The following GRM6 variants were observed in gnomAD, a reference collection of about 807,000 sequenced individuals.
GRM6 encodes the protein metabotropic glutamate receptor 6.
Under a neutral mutation model 78.4 loss-of-function variants are expected in GRM6, and 73 were observed. The observed-to-expected ratio is 0.93, with a 90% CI of 0.77 to 1.13. The LOEUF (loss-of-function observed/expected upper bound fraction) is 1.13, where lower values mean the gene tolerates loss of function less well. Among genes scored for constraint, GRM6 ranks in the 50% most tolerant of loss-of-function variants. The pLI is 0.00. For missense variants in GRM6, 1,251 were observed against 1,256.4 expected (o/e 1.00, Z 0.07); for synonymous variants, 580 against 555.0 (o/e 1.05, Z -0.63).
In GRM6 at chr5:178,981,689, G is replaced by A. The variant is rs937277106; in HGVS notation, c.2602C>T (p.Pro868Ser). The change falls in exon 11 of 11, where the codon CCC becomes TCC. Residue 868 changes from proline to serine, a missense_variant. Physicochemically the swap from Pro to Ser is moderately conservative, Grantham distance 74. Coordinates refer to ENST00000517717, the MANE Select transcript of GRM6 (RefSeq NM_000843.4). The surrounding 1 kb of genome is among the most constrained non-coding windows in gnomAD (Gnocchi z 5.1). ...TGGGCCTCTGCATCCTCGCCCTTGG[G>A]TGGGGCTGCCACCGTGGAGGTGGCC... The part of the protein sequence containing the change: ...LKATSTVAAP[P>S]KGEDAEAHK 6.2e-7 allele frequency: 1 copy of A among 1,614,006 alleles called. No individual in the cohort carries two copies. The highest frequency in any genetic ancestry group is 8.5e-7 in the Non-Finnish European group (1 of 1,179,968).
rs370821778 is a variant in GRM6, at chr5:178,992,444, G to GTC, written c.505-363_505-362dup. 1.2e-3 allele frequency: 494 copies of GTC among 404,380 alleles called. 4 individuals carry two copies. The highest frequency in any genetic ancestry group is 9.3e-3 in the African/African-American group (456 of 49,058). The allele number at this position is 404,380 out of a possible 1,614,324, so 25.0% of individuals were successfully genotyped here. A position where few individuals can be genotyped will look rare whatever the true frequency, so the allele number is the denominator to read the frequency against. On this transcript the variant is annotated intron_variant, in intron 2 of 10. Transcript: ENST00000517717. The surrounding 1 kb of genome is among the most constrained non-coding windows in gnomAD (Gnocchi z 4.9). ...CATCCAGCTGCATCTGCCTGTCCTA[G>GTC]TCAGGCCCAGGGCAAAGCACGTTTT...
Position 178,991,675 on chromosome 5 carries a change from C to T in GRM6, c.722-116G>A, listed in dbSNP as rs771501534. ...AAGGGTCTGCAGGGGTGAAGTCTGG[C>T]CTGCACCCTCCGCCAAGCCTGAGGC... On this transcript the variant is annotated intron_variant, in intron 3 of 10. Coordinates refer to ENST00000517717, the MANE Select transcript of GRM6 (RefSeq NM_000843.4). This position sits in a 1 kb window ranked among gnomAD's most constrained non-coding sequence, Gnocchi z 5.0. The T allele has an allele frequency of 1.6e-5, 20 of 1,276,802 alleles. No individual in the cohort carries two copies. Among genetic ancestry groups the T allele is most frequent in the Non-Finnish European group, 2.0e-5 (18 of 890,562 alleles). The allele number at this position is 1,276,802 out of a possible 1,614,324, so 79.1% of individuals were successfully genotyped here. A position where few individuals can be genotyped will look rare whatever the true frequency, so the allele number is the denominator to read the frequency against.
In GRM6 at chr5:178,981,416, T is replaced by C; in HGVS notation, c.*241A>G. On this transcript the variant is annotated 3_prime_UTR_variant, in exon 11 of 11. Coordinates refer to ENST00000517717, the MANE Select transcript of GRM6 (RefSeq NM_000843.4). This position sits in a 1 kb window ranked among gnomAD's most constrained non-coding sequence, Gnocchi z 5.1. ...CTAGAGCTAGAACCTTCTCGGTGGC[T>C]GTTTCCCACCATGGGAAGCGAGTCT... The C allele has an allele frequency of 1.3e-5, 7 of 521,496 alleles. No individual in the cohort carries two copies. Among genetic ancestry groups the C allele is most frequent in the Non-Finnish European group, 2.1e-5 (6 of 288,962 alleles). 32.3% of individuals were successfully genotyped at this position (521,496 alleles called of 1,614,324 possible).
Position 178,991,981 on chromosome 5 carries a change from C to T in GRM6, c.607G>A (p.Ala203Thr). ...VVPPDSYQAQAMVDIVRALGW... is the reference protein window; with the variant it reads ...VVPPDSYQAQTMVDIVRALGW... ...AGTGCCCTCACGATGTCCACCATGGCCTGCGCCTGGTAGGAGTCGGGTGGC... is the reference window on the plus strand; with the variant it reads ...AGTGCCCTCACGATGTCCACCATGGTCTGCGCCTGGTAGGAGTCGGGTGGC... Residue 203 changes from alanine to threonine, a missense_variant, in exon 3 of 11, where the codon GCC becomes ACC. Coordinates refer to ENST00000517717, the MANE Select transcript of GRM6 (RefSeq NM_000843.4). This position sits in a 1 kb window ranked among gnomAD's most constrained non-coding sequence, Gnocchi z 5.0. 6.2e-7 allele frequency: 1 copy of T among 1,613,958 alleles called. No homozygotes were observed. Among genetic ancestry groups the T allele is most frequent in the Non-Finnish European group, 8.5e-7 (1 of 1,179,830 alleles).
rs762650590 is a variant in GRM6 at position 178,986,414 on chromosome 5, G to A, written c.1840C>T (p.Pro614Ser). ...VATFVRYNNT[P>S]IVRASGRELS... is the part of the protein sequence containing the mutation. ...TCTCGGCCCGAGGCCCGGACGATGG[G>A]CGTGTTGTTGTACCGCACGAAGGTG... Residue 614 changes from proline (P) to serine (S), a missense_variant, in exon 9 of 11, where the codon CCC becomes TCC. Transcript: ENST00000517717. The A allele has an allele frequency of 1.9e-5, 31 of 1,613,596 alleles. No homozygotes were observed. The highest frequency in any genetic ancestry group is 1.0e-4 in the Admixed American group (6 of 59,998).
Position 178,991,381 on chromosome 5 carries a change from C to G in GRM6, c.857+43G>C, listed in dbSNP as rs1344003175. The G allele has an allele frequency of 6.3e-7, 1 of 1,599,682 alleles. No homozygotes were observed. Among genetic ancestry groups the G allele is most frequent in the Admixed American group, 1.7e-5 (1 of 59,986 alleles). On this transcript the variant is annotated intron_variant, in intron 4 of 10. Coordinates refer to ENST00000517717, the MANE Select transcript of GRM6 (RefSeq NM_000843.4). The surrounding 1 kb of genome is among the most constrained non-coding windows in gnomAD (Gnocchi z 5.0). ...TGTGCAAGAGGAGGGGTGGGACCCT[C>G]AGGGAGAGCCCCAGGGGCCCGGTGA...
chr5:178,988,934 C>A lies in GRM6; in HGVS notation c.1354+1G>T. Reference sequence around the variant, plus strand: ...CTGCAGGGGGGCAGGCACCCACTCACCATTGAAGCGGACAGCTCGAATGTA... The same window carrying A: ...CTGCAGGGGGGCAGGCACCCACTCAACATTGAAGCGGACAGCTCGAATGTA... On this transcript the variant is annotated splice_donor_variant, in intron 7 of 10. Coordinates refer to ENST00000517717, the MANE Select transcript of GRM6 (RefSeq NM_000843.4). LOFTEE classifies it high-confidence loss of function. This position sits in a 1 kb window ranked among gnomAD's most constrained non-coding sequence, Gnocchi z 6.0. 3 of 1,611,256 alleles carry A rather than the reference C, an allele frequency of 1.9e-6. No homozygotes were observed. Among genetic ancestry groups the A allele is most frequent in the Non-Finnish European group, 2.5e-6 (3 of 1,178,660 alleles).
intron 5 of GRM6, chr5:178,990,160 A>G (rs754558875): frequency 7.6e-6 from 2 of 262,670 alleles, no homozygotes; most frequent in Non-Finnish European, 1.5e-5. Context: ...GAGCAATCCT[A>G]TTGTAAAGTG....
chr5:178,981,419 T>C lies in GRM6; in HGVS notation c.*238A>G. On this transcript the variant is annotated 3_prime_UTR_variant, in exon 11 of 11. Transcript: ENST00000517717. This position sits in a 1 kb window ranked among gnomAD's most constrained non-coding sequence, Gnocchi z 5.1. Reference sequence around the variant, plus strand: ...GAGCTAGAACCTTCTCGGTGGCTGTTTCCCACCATGGGAAGCGAGTCTGGT... The same window carrying C: ...GAGCTAGAACCTTCTCGGTGGCTGTCTCCCACCATGGGAAGCGAGTCTGGT... 1.0e-5 allele frequency: 5 copies of C among 498,858 alleles called. No individual in the cohort carries two copies. The highest frequency in any genetic ancestry group is 1.8e-5 in the Non-Finnish European group (5 of 275,490). 30.9% of individuals were successfully genotyped at this position (498,858 alleles called of 1,614,324 possible).
Position 178,991,470 on chromosome 5 carries a change from G to A in GRM6, c.811C>T (p.Pro271Ser), listed in dbSNP as rs202102150. 7 of 1,613,600 alleles carry A rather than the reference G, an allele frequency of 4.3e-6. No homozygotes were observed. The highest frequency in any genetic ancestry group is 5.9e-6 in the Non-Finnish European group (7 of 1,179,750). The stretch of plus-strand genomic sequence containing the variant: ...AAGATGATGATGCCCCGGGCGTTGG[G>A]CGTCTCCATGAGTCTCCTGATCACC... Reference protein sequence around the residue: ...SKVIRRLMETPNARGIIIFAN... With the variant: ...SKVIRRLMETSNARGIIIFAN... The change falls in exon 4 of 11, where the codon CCC becomes TCC. Residue 271 changes from proline to serine, a missense_variant. By Grantham distance (74) the Pro-to-Ser change is moderately conservative (BLOSUM62 -1). Coordinates refer to ENST00000517717, the MANE Select transcript of GRM6 (RefSeq NM_000843.4). This position sits in a 1 kb window ranked among gnomAD's most constrained non-coding sequence, Gnocchi z 5.0.
chr5:178,981,762 G>A lies in GRM6; in HGVS notation c.2529C>T (p.Ile843=), dbSNP rs1561714656. The change falls in exon 11 of 11, where the codon ATC becomes ATT. Residue 843 remains isoleucine, a synonymous_variant. Coordinates refer to ENST00000517717, the MANE Select transcript of GRM6 (RefSeq NM_000843.4). The surrounding 1 kb of genome is among the most constrained non-coding windows in gnomAD (Gnocchi z 5.1). ...GCACATTCTGCTCTGGATGGAAGAGGATGACGTAGGTTTTGGGTACGTAGA... is the reference window on the plus strand; with the variant it reads ...GCACATTCTGCTCTGGATGGAAGAGAATGACGTAGGTTTTGGGTACGTAGA... ...GMLYVPKTYV[I]LFHPEQNVQK... 2 of 1,613,322 alleles carry A rather than the reference G, an allele frequency of 1.2e-6. No individual in the cohort carries two copies. The highest frequency in any genetic ancestry group is 2.2e-5 in the East Asian group (1 of 44,864).
chr5:178,986,286 G>A lies in GRM6; in HGVS notation c.1968C>T (p.Phe656=). ...GAAVCAARRL[F]LGLGTTLSYS... ...AGCTGAGGGTCGTGCCCAGGCCCAG[G>A]AAGAGCCTGCGGGCGGCACAGACCG... is the stretch of plus-strand genomic sequence containing the variant. The change falls in exon 9 of 11, where the codon TTC becomes TTT. Residue 656 remains phenylalanine, a synonymous_variant. Transcript: ENST00000517717. 6.2e-7 allele frequency: 1 copy of A among 1,614,098 alleles called. No homozygotes were observed. Among genetic ancestry groups the A allele is most frequent in the Non-Finnish European group, 8.5e-7 (1 of 1,180,016 alleles).
intron 9 of GRM6, among the ~76,000 whole-genome samples, chr5:178,983,969 C>T (rs1310172635): frequency 2.6e-5 from 4 of 152,206 alleles, no homozygotes; most frequent in South Asian, 4.1e-4. Context: ...AGTGCCATGC[C>T]GAGCACCTGG....
At chr5:178,993,543 G>A (rs1001512493) in intron 2 of GRM6, among the ~76,000 whole-genome samples, 6 of 152,108 alleles carry the variant, frequency 3.9e-5, no homozygotes, top group Non-Finnish European at 7.4e-5. Context: ...CCCGGGAGTC[G>A]GAGAAGCTCT....
In GRM6 at chr5:178,994,391, G is replaced by C. The variant is rs113506152; in HGVS notation, c.504+50C>G. 39 of 1,447,354 alleles carry C rather than the reference G, an allele frequency of 2.7e-5. No individual in the cohort carries two copies. In the African/African-American group the frequency reaches 5.5e-4, roughly 20 times the overall value. 89.7% of individuals were successfully genotyped at this position (1,447,354 alleles called of 1,614,324 possible). ...AAGGAGACTTGGGCCACCCCAGGGC[G>C]AGGACGGGAGAGGGACGCTGGACAC... is the stretch of plus-strand genomic sequence containing the variant. On this transcript the variant is annotated intron_variant, in intron 2 of 10. Transcript: ENST00000517717.
chr5:178,994,304 C>T (rs1039585463), intron 2 of GRM6, 137 bp downstream of exon 2: 20 of 726,582 alleles, frequency 2.8e-5, no homozygotes, highest in Admixed American at 4.1e-5. Flanking sequence ...ACTGACAGGG[C>T]TTCTTTGACG....
intron 5 of GRM6, 65 bp from the exon 6 acceptor site, chr5:178,989,470 C>G: frequency 6.2e-7 from 1 of 1,604,742 alleles, no homozygotes. Flanking sequence ...TCCTGTGTCT[C>G]TCTGCCACTT....
At chr5:178,986,106 GC>G (rs1561717273) in intron 9 of GRM6, 23 bp downstream of exon 9, 1 of 1,607,368 alleles carries the variant, frequency 6.2e-7, no homozygotes, top group South Asian at 1.1e-5. Context: ...CCCTGCCCTG[GC>G]CCTTGGGAGC....
At chr5:178,989,786 C>A (rs115745437) in intron 5 of GRM6, 7,861 of 348,482 alleles carry the variant, frequency 0.023, 139 homozygotes, top group African/African-American at 0.063. Flanking sequence ...GCCTCAGCAG[C>A]CATCTTGTGA....
Sources: gnomAD v4.1 joint callset for allele counts (sites outside exome capture counted in the v4.1 genomes callset) on GRCh38, gnomAD v4.1.1 for gene constraint, Gnocchi (gnomAD v3.1) non-coding constraint, MANE v1.5 for transcripts, NCBI Gene and HGNC (gene_info 2026-07-23, HGNC 2026-07-21) for gene names.